The following BCR variants were observed in gnomAD, a reference collection of about 807,000 sequenced individuals.
BCR encodes the protein BCR activator of RhoGEF and GTPase.
BCR carries 58 observed loss-of-function variants against 138.6 expected under a neutral mutation model. That is an observed-to-expected ratio of 0.42 (90% CI 0.34 to 0.52). BCR has a LOEUF of 0.52. BCR is among the 20% of genes least tolerant of loss of function. The pLI is 0.06. For missense variants in BCR, 1,599 were observed against 1,727.2 expected (o/e 0.93, Z 1.32); for synonymous variants, 786 against 730.1 (o/e 1.08, Z -1.23).
At chr22:23,244,429 T>C (rs2146258529) in intron 1 of BCR, among the ~76,000 whole-genome samples, 2 of 152,264 alleles carry the variant, frequency 1.3e-5, no homozygotes, top group South Asian at 4.1e-4. Context: ...GGGGAGCCAG[T>C]GTCTGCCTCC....
chr22:23,287,380 G>A, intron 11 of BCR, 102 bp downstream of exon 11: 1 of 1,428,570 alleles, frequency 7.0e-7, no homozygotes, highest in Non-Finnish European at 9.2e-7. Flanking sequence ...CCCACTCTGA[G>A]AGAGGCATGT....
At chr22:23,301,133 G>T (rs936529262) in intron 16 of BCR, among the ~76,000 whole-genome samples, 1 of 152,206 alleles carries the variant, frequency 6.6e-6, no homozygotes, top group African/African-American at 2.4e-5. Context: ...GTGAAACCCC[G>T]TCTCTACTAA....
At chr22:23,234,815 C>T (rs1044842247) in intron 1 of BCR, among the ~76,000 whole-genome samples, 15 of 143,858 alleles carry the variant, frequency 1.0e-4, no homozygotes, top group African/African-American at 3.7e-4. Flanking sequence ...GAGCTGGAGC[C>T]GTGGGACCAG....
chr22:23,208,809 C>T (rs1022766040), intron 1 of BCR, among the ~76,000 whole-genome samples: 7 of 152,044 alleles, frequency 4.6e-5, no homozygotes, highest in African/African-American at 9.7e-5. Context: ...GAACTGAGAT[C>T]GGTCCACTGC....
chr22:23,194,651 A>C (rs1427907753), intron 1 of BCR, among the ~76,000 whole-genome samples: 2 of 151,706 alleles, frequency 1.3e-5, no homozygotes, highest in Non-Finnish European at 2.9e-5. Context: ...TGACCTCGTG[A>C]TCCACCCACC....
Position 23,254,798 on chromosome 22 carries a change from G to A in BCR, c.1461+818G>A, listed in dbSNP as rs114693089. On this transcript the variant is annotated intron_variant, in intron 2 of 22. Transcript: ENST00000305877. ...CTGAGAAAATCACTGCCCCAGGGCA[G>A]TTGCTCCTTTTTGTCTTTTTGGTCC... is the stretch of plus-strand genomic sequence containing the variant. Among the ~76,000 whole-genome samples the A allele has an allele frequency of 6.1e-3, 928 of 152,330 alleles. 8 individuals carry two copies. Among genetic ancestry groups the A allele is most frequent in the African/African-American group, 0.021 (885 of 41,570 alleles).
intron 8 of BCR, among the ~76,000 whole-genome samples, chr22:23,281,263 G>A (rs2073640905): frequency 2.6e-5 from 4 of 152,384 alleles, no homozygotes; most frequent in Middle Eastern, 3.4e-3. Context: ...AGCTCCAGCT[G>A]GGACTGTTTG....
intron 8 of BCR, among the ~76,000 whole-genome samples, chr22:23,281,802 G>A (rs1283040729): frequency 6.6e-6 from 1 of 152,224 alleles, no homozygotes; most frequent in Non-Finnish European, 1.5e-5. Flanking sequence ...CCACAGTCAG[G>A]CCTGTGTGTC....
chr22:23,234,439 T>C lies in BCR; in HGVS notation c.1280-19360T>C, dbSNP rs549462180. Reference sequence around the variant, plus strand: ...TGAGGAGGGACCAGACTCCAGCCCGTCCTAAGGAGCTTATGAGAAGTTTTG... The same window carrying C: ...TGAGGAGGGACCAGACTCCAGCCCGCCCTAAGGAGCTTATGAGAAGTTTTG... On this transcript the variant is annotated intron_variant, in intron 1 of 22. Coordinates refer to ENST00000305877, the MANE Select transcript of BCR (RefSeq NM_004327.4). 2.0e-5 allele frequency among the ~76,000 whole-genome samples: 3 copies of C among 152,166 alleles called. No homozygotes were observed. In the South Asian group the frequency reaches 6.2e-4, roughly 32 times the overall value.
At chr22:23,292,768 A>G (rs1602112890) in intron 15 of BCR, 130 bp downstream of exon 15, 1 of 701,624 alleles carries the variant, frequency 1.4e-6, no homozygotes, top group South Asian at 1.9e-5. Flanking sequence ...AATTCCAGGA[A>G]TCTCCTGGGG....
chr22:23,249,002 TTGGCTGGGCATGG>T (rs2073189619), intron 1 of BCR, among the ~76,000 whole-genome samples: 1 of 152,150 alleles, frequency 6.6e-6, no homozygotes, highest in Non-Finnish European at 1.5e-5. Flanking sequence ...GGAAAGGGCC[TTGGCTGGGCATGG>T]TGGCTCAAGC....
chr22:23,227,349 T>C (rs183489830), intron 1 of BCR, among the ~76,000 whole-genome samples: 147 of 152,308 alleles, frequency 9.7e-4, no homozygotes, highest in African/African-American at 3.2e-3. Context: ...TCCAAAGATA[T>C]ATCTTTTGTG....
intron 1 of BCR, among the ~76,000 whole-genome samples, chr22:23,224,161 G>A (rs2072862075): frequency 6.6e-6 from 1 of 152,344 alleles, no homozygotes; most frequent in East Asian, 1.9e-4. Context: ...GGTCACTGCT[G>A]TTGTCCTGGG....
intron 1 of BCR, among the ~76,000 whole-genome samples, chr22:23,218,907 C>T (rs962359691): frequency 2.0e-5 from 3 of 152,138 alleles, no homozygotes; most frequent in Non-Finnish European, 4.4e-5. Flanking sequence ...GGCCCCTTGC[C>T]GAGGGTGAGG....
chr22:23,181,627 G>A lies in BCR; in HGVS notation c.667G>A (p.Val223Met). 6.2e-7 allele frequency: 1 copy of A among 1,611,224 alleles called. No homozygotes were observed. The highest frequency in any genetic ancestry group is 8.5e-7 in the Non-Finnish European group (1 of 1,179,986). Residue 223 changes from valine to methionine, a missense_variant, in exon 1 of 23, where the codon GTG becomes ATG. Coordinates refer to ENST00000305877, the MANE Select transcript of BCR (RefSeq NM_004327.4). ...KKSQHGAGSS[V>M]GDASRPPYRG... ...GTCCCAGCACGGCGCGGGCTCGAGC[G>A]TGGGGGATGCATCCAGGCCCCCTTA...
intron 14 of BCR, 149 bp downstream of exon 14, chr22:23,290,562 C>A: frequency 1.3e-6 from 1 of 787,722 alleles, no homozygotes; most frequent in Non-Finnish European, 2.2e-6. Context: ...AGTGTTTGTG[C>A]TGGTTGATGC....
chr22:23,232,672 G>A (rs533025129), intron 1 of BCR, among the ~76,000 whole-genome samples: 16 of 152,332 alleles, frequency 1.1e-4, no homozygotes, highest in South Asian at 8.3e-4. Flanking sequence ...TGGCTTATCA[G>A]CGAGCCTACC....
intron 11 of BCR, among the ~76,000 whole-genome samples, 190 bp downstream of exon 11, chr22:23,287,468 G>A (rs1294986056): frequency 6.6e-6 from 1 of 152,258 alleles, no homozygotes. Context: ...GTGGCAGCTG[G>A]CTCAGCTCCC....
intron 1 of BCR, among the ~76,000 whole-genome samples, chr22:23,207,678 G>A (rs942186933): frequency 2.0e-5 from 3 of 152,096 alleles, no homozygotes; most frequent in Non-Finnish European, 2.9e-5. Context: ...GAGGAGGAGA[G>A]GCCTTCTAAG....
Sources: allele counts gnomAD v4.1 joint callset (sites outside exome capture counted in the v4.1 genomes callset), GRCh38; gene constraint gnomAD v4.1.1; transcripts MANE v1.5; gene names NCBI Gene and HGNC (gene_info 2026-07-23, HGNC 2026-07-21).